FILIP1L: variants seen among roughly 807,000 people sequenced by gnomAD.
The protein encoded by FILIP1L is filamin A-interacting protein 1-like.
A neutral mutation model predicts 96.6 loss-of-function variants in FILIP1L; 55 were observed. The observed-to-expected ratio is 0.57, with a 90% CI of 0.46 to 0.71. The LOEUF is 0.71. Ranked by LOEUF, FILIP1L falls within the 30% of genes least tolerant of loss-of-function variation. FILIP1L has a pLI of 0.00. For synonymous variants in FILIP1L, 467 were observed against 473.9 expected (o/e 0.99, Z 0.19); for missense variants, 1,304 against 1,321.2 (o/e 0.99, Z 0.20).
intron 1 of FILIP1L, among the ~76,000 whole-genome samples, chr3:99,952,845 A>G (rs540689320): frequency 2.0e-5 from 3 of 152,336 alleles, no homozygotes; most frequent in Admixed American, 6.5e-5. Context: ...GATAATTTCA[A>G]TCTTTATATG....
At chr3:99,855,074 T>A (rs1288467390) in intron 4 of FILIP1L, among the ~76,000 whole-genome samples, 1 of 152,244 alleles carries the variant, frequency 6.6e-6, no homozygotes, top group Non-Finnish European at 1.5e-5. Flanking sequence ...ACATGTCAGA[T>A]GTTTCCTGGA....
intron 1 of FILIP1L, among the ~76,000 whole-genome samples, chr3:99,986,819 A>G (rs531763677): frequency 2.0e-5 from 3 of 152,316 alleles, no homozygotes; most frequent in Admixed American, 6.5e-5. Context: ...AAATGTCTGC[A>G]GTACAGAGGA....
intron 5 of FILIP1L, among the ~76,000 whole-genome samples, chr3:99,843,349 A>G (rs1020102491): frequency 1.3e-5 from 2 of 152,202 alleles, no homozygotes; most frequent in African/African-American, 4.8e-5. Context: ...CTTCCCACCC[A>G]ATAAAATGGA....
intron 4 of FILIP1L, among the ~76,000 whole-genome samples, chr3:99,856,954 T>C (rs1040320190): frequency 6.6e-6 from 1 of 152,210 alleles, no homozygotes; most frequent in African/African-American, 2.4e-5. Context: ...CTTTTGATTT[T>C]ATCTTATTTT....
chr3:100,052,729 G>A (rs540631017), intron 1 of FILIP1L, among the ~76,000 whole-genome samples: 1 of 152,226 alleles, frequency 6.6e-6, no homozygotes, highest in East Asian at 1.9e-4. Flanking sequence ...AAGGCAAGGT[G>A]GAAGGTACCT....
rs1278031154 is a variant in FILIP1L at position 99,910,232 on chromosome 3, AT to A, written c.605+13997del. ...AAGGCTTAGAGAGGATTAAAAGGCT[AT>A]AAAAATTTAAATAACTTCATCCAGT... On this transcript the variant is annotated intron_variant, in intron 4 of 5. Transcript: ENST00000477258. 1.5e-5 allele frequency among the ~76,000 whole-genome samples: 2 copies of A among 136,772 alleles called. 1 individual carries two copies. Among genetic ancestry groups the A allele is most frequent in the East Asian group, 4.0e-4 (2 of 4,950 alleles). The allele number at this position is 136,772 out of a possible 152,430, so 89.7% of individuals were successfully genotyped here.
chr3:100,055,849 T>C (rs1245785817), intron 1 of FILIP1L, among the ~76,000 whole-genome samples: 3 of 152,214 alleles, frequency 2.0e-5, no homozygotes. Context: ...TCTTCCACAA[T>C]ATGAAGGGTA....
At chr3:99,871,737 T>A (rs1304313058) in intron 4 of FILIP1L, among the ~76,000 whole-genome samples, 1 of 152,202 alleles carries the variant, frequency 6.6e-6, no homozygotes, top group African/African-American at 2.4e-5. Flanking sequence ...TTTGTCAAGT[T>A]AGTGGTTCAG....
In FILIP1L at chr3:99,924,427, A is replaced by G. The variant is rs368896860; in HGVS notation, c.427-19T>C. 1.2e-5 allele frequency: 19 copies of G among 1,608,996 alleles called. No individual in the cohort carries two copies. The highest frequency in any genetic ancestry group is 1.4e-5 in the Non-Finnish European group (17 of 1,176,416). ...TGTCCAACTACGAAAGAAAACATTT[A>G]TAGCCTGTTACCAAATTGTTTATAT... On this transcript the variant is annotated intron_variant, in intron 3 of 5. Coordinates refer to ENST00000477258, the MANE Select transcript of FILIP1L (RefSeq NM_001387850.1).
intron 1 of FILIP1L, among the ~76,000 whole-genome samples, chr3:100,001,615 T>C (rs554060410): frequency 6.6e-6 from 1 of 152,234 alleles, no homozygotes; most frequent in Admixed American, 6.5e-5. Context: ...GTGGGAGACA[T>C]GTTCCATCTA....
At chr3:100,051,625 C>T (rs1016192258) in intron 1 of FILIP1L, among the ~76,000 whole-genome samples, 8 of 149,086 alleles carry the variant, frequency 5.4e-5, no homozygotes, top group Admixed American at 2.7e-4. Flanking sequence ...TTTGTCCTTG[C>T]GATAGTTTGC....
At chr3:100,100,446 A>G (rs1180883210) in intron 1 of FILIP1L, among the ~76,000 whole-genome samples, 1 of 152,188 alleles carries the variant, frequency 6.6e-6, no homozygotes, top group African/African-American at 2.4e-5. Flanking sequence ...AGATTAGGTC[A>G]TAAGGCACAG....
chr3:100,037,881 C>G (rs2065133766), intron 1 of FILIP1L, among the ~76,000 whole-genome samples: 1 of 151,262 alleles, frequency 6.6e-6, no homozygotes, highest in Non-Finnish European at 1.5e-5. Flanking sequence ...ACCTGAGTAG[C>G]TTTACAGCCA....
At chr3:100,023,094 A>G (rs2064855210) in intron 1 of FILIP1L, among the ~76,000 whole-genome samples, 1 of 152,168 alleles carries the variant, frequency 6.6e-6, no homozygotes, top group Non-Finnish European at 1.5e-5. Flanking sequence ...ATCAGTAGTA[A>G]AGAGATGGTG....
chr3:99,846,354 T>G (rs181279286), intron 5 of FILIP1L, among the ~76,000 whole-genome samples: 41 of 152,362 alleles, frequency 2.7e-4, no homozygotes, highest in African/African-American at 9.9e-4. Flanking sequence ...GATCAGTTGA[T>G]CGATGCCTTC....
intron 1 of FILIP1L, among the ~76,000 whole-genome samples, chr3:100,091,218 G>A (rs1185457757): frequency 6.7e-6 from 1 of 149,146 alleles, no homozygotes. Context: ...CTGGAAGGCG[G>A]AACTTGCAGT....
At chr3:99,880,631 A>G (rs1227178749) in intron 4 of FILIP1L, among the ~76,000 whole-genome samples, 2 of 152,086 alleles carry the variant, frequency 1.3e-5, no homozygotes, top group Non-Finnish European at 2.9e-5. Context: ...CATTAAAATG[A>G]TGATATTTTG....
chr3:99,849,736 T>C lies in FILIP1L; in HGVS notation c.1940A>G (p.Asp647Gly), dbSNP rs760172432. 6.2e-7 allele frequency: 1 copy of C among 1,613,866 alleles called. No homozygotes were observed. The change falls in exon 5 of 6, where the codon GAT becomes GGT. Residue 647 changes from aspartate to glycine, a missense_variant. Coordinates refer to ENST00000477258, the MANE Select transcript of FILIP1L (RefSeq NM_001387850.1). ...LKLKDMKAIE[D>G]DLMKTEDEYE... ...TTCATCTTCTGTTTTCATGAGGTCATCCTCAATGGCTTTCATGTCCTTTAG... is the reference window on the plus strand; with the variant it reads ...TTCATCTTCTGTTTTCATGAGGTCACCCTCAATGGCTTTCATGTCCTTTAG...
intron 4 of FILIP1L, among the ~76,000 whole-genome samples, chr3:99,890,491 A>G (rs1464535307): frequency 6.6e-6 from 1 of 152,124 alleles, no homozygotes; most frequent in Non-Finnish European, 1.5e-5. Context: ...CCTAGATTAG[A>G]CACATGTTAG....
Sources: allele counts gnomAD v4.1 joint callset (sites outside exome capture counted in the v4.1 genomes callset), GRCh38; gene constraint gnomAD v4.1.1; transcripts MANE v1.5; gene names NCBI Gene and HGNC (gene_info 2026-07-23, HGNC 2026-07-21).